Variants in ABCG5 observed in about 807,000 individuals in gnomAD.
ABCG5 encodes the protein ATP-binding cassette sub-family G member 5.
Under a neutral mutation model 64.5 loss-of-function variants are expected in ABCG5, and 64 were observed. The observed-to-expected ratio is 0.99, with a 90% confidence interval of 0.81 to 1.22. The LOEUF (loss-of-function observed/expected upper bound fraction) is 1.22. Ranked by LOEUF, ABCG5 falls within the 50% of genes most tolerant of loss-of-function variation. ABCG5 has a pLI of 0.00. For synonymous variants in ABCG5, 385 were observed against 326.3 expected, an observed-to-expected ratio of 1.18 and a Z score of -1.94; for missense variants, 908 against 829.5, an observed-to-expected ratio of 1.09 and a Z score of -1.16.
chr2:43,818,920 G>A (rs917144679), intron 11 of ABCG5, among the ~76,000 whole-genome samples: 6 of 152,044 alleles, frequency 3.9e-5, no homozygotes, highest in African/African-American at 1.5e-4. Context: ...AAAGAGACTG[G>A]CAAGTGGTAG....
chr2:43,824,747 G>A, intron 7 of ABCG5, 142 bp downstream of exon 7: 1 of 1,450,058 alleles, frequency 6.9e-7, no homozygotes, highest in Admixed American at 2.2e-5. Context: ...CATTGACCCG[G>A]CCAAATTGAT....
At chr2:43,828,330 T>C in intron 4 of ABCG5, 1 of 673,500 alleles carries the variant, frequency 1.5e-6, no homozygotes, top group Non-Finnish European at 2.5e-6. Flanking sequence ...ATAAATAATA[T>C]GAATTTTTTA....
chr2:43,818,298 G>T (rs944539317), intron 11 of ABCG5, among the ~76,000 whole-genome samples: 6 of 152,058 alleles, frequency 3.9e-5, no homozygotes, highest in African/African-American at 1.2e-4. Flanking sequence ...ACAAAAATTA[G>T]CCGAGCATGG....
chr2:43,819,698 G>A lies in ABCG5; in HGVS notation c.1649+217C>T, dbSNP rs79669818. On this transcript the variant is annotated intron_variant, in intron 11 of 12. Transcript: ENST00000405322. ...GTGAATCATATCATAACATAAACTT[G>A]TTAGTTCCTGATTCCCGATAAAAAA... is the stretch of plus-strand genomic sequence containing the variant. Among the ~76,000 whole-genome samples the A allele has an allele frequency of 2.5e-3, 381 of 152,204 alleles. 9 individuals are homozygous for A. The East Asian group carries it at 0.049, about 19-fold the overall frequency.
At chr2:43,830,080 A>C (rs1667870766) in intron 4 of ABCG5, among the ~76,000 whole-genome samples, 1 of 152,216 alleles carries the variant, frequency 6.6e-6, no homozygotes, top group Non-Finnish European at 1.5e-5. Flanking sequence ...TAGATTCCCG[A>C]GCCTCCTTCT....
downstream of ABCG5, among the ~76,000 whole-genome samples, chr2:43,808,958 A>G (rs969422280): frequency 7.7e-6 from 1 of 129,754 alleles, no homozygotes. Flanking sequence ...TCACTGGGAC[A>G]AAGGATACAC....
intron 4 of ABCG5, among the ~76,000 whole-genome samples, chr2:43,829,990 T>G (rs1400597625): frequency 6.6e-6 from 1 of 152,216 alleles, no homozygotes; most frequent in Non-Finnish European, 1.5e-5. Context: ...AAGAAAGCTC[T>G]TCTCTTGCCA....
chr2:43,816,041 C>T (rs781612332), intron 11 of ABCG5, among the ~76,000 whole-genome samples: 6 of 152,024 alleles, frequency 3.9e-5, no homozygotes, highest in Non-Finnish European at 7.4e-5. Context: ...GAGGTAGGAA[C>T]TGTGAACCTT....
chr2:43,819,087 C>A (rs61701484), intron 11 of ABCG5, among the ~76,000 whole-genome samples: 8,868 of 152,140 alleles, frequency 0.058, 569 homozygotes, highest in African/African-American at 0.16. Flanking sequence ...CACACATATA[C>A]TTTTATATAG....
intron 11 of ABCG5, among the ~76,000 whole-genome samples, chr2:43,819,235 GC>G (rs1296605638): frequency 1.3e-5 from 2 of 151,828 alleles, no homozygotes; most frequent in Non-Finnish European, 2.9e-5. Context: ...ATCATTTTTA[GC>G]CTTTTAAAAT....
At chr2:43,837,135 T>G (rs74763908) in intron 2 of ABCG5, among the ~76,000 whole-genome samples, 2 of 151,750 alleles carry the variant, frequency 1.3e-5, no homozygotes, top group African/African-American at 2.4e-5. Context: ...TTTTTTTTTT[T>G]TTGAGACAGG....
rs75314394 is a variant in ABCG5, at chr2:43,823,832, G to A, written c.1324+81C>T. Reference sequence around the variant, plus strand: ...TAGCTCAGAGAAAAACCCTTATAATGGTAGACTTTTGTAAGGTTACAGCTG... The same window carrying A: ...TAGCTCAGAGAAAAACCCTTATAATAGTAGACTTTTGTAAGGTTACAGCTG... On this transcript the variant is annotated intron_variant, in intron 9 of 12. Coordinates refer to ENST00000405322, the MANE Select transcript of ABCG5 (RefSeq NM_022436.3). 2.2e-3 allele frequency: 3,371 copies of A among 1,507,098 alleles called. 49 individuals carry two copies. The African/African-American group carries it at 0.041, about 18-fold the overall frequency. The allele number at this position is 1,507,098 out of a possible 1,614,324, so 93.4% of individuals were successfully genotyped here.
intron 10 of ABCG5, among the ~76,000 whole-genome samples, chr2:43,821,055 A>G (rs1003179767): frequency 7.2e-5 from 11 of 152,190 alleles, no homozygotes; most frequent in Non-Finnish European, 1.6e-4. Context: ...CGTATCTTCA[A>G]TGACCATTAG....
chr2:43,828,778 C>T (rs1276077627), intron 4 of ABCG5, among the ~76,000 whole-genome samples: 1 of 152,022 alleles, frequency 6.6e-6, no homozygotes, highest in Non-Finnish European at 1.5e-5. Flanking sequence ...CTAGCCTAGC[C>T]AACACGGTGA....
rs1667076915 is a variant in ABCG5 at position 43,819,913 on chromosome 2, AC to A, written c.1649+1del. 1 of 1,614,132 alleles carries A rather than the reference AC, an allele frequency of 6.2e-7. No individual in the cohort carries two copies. The highest frequency in any genetic ancestry group is 8.5e-7 in the Non-Finnish European group (1 of 1,180,002). ...TAAATTTTTTGAATTATGATATCTT[AC>A]CTGAGGAATCCAGATCCAACAAGCA... On this transcript the variant is annotated splice_donor_variant, in intron 11 of 12. Coordinates refer to ENST00000405322, the MANE Select transcript of ABCG5 (RefSeq NM_022436.3). LOFTEE classifies it high-confidence loss of function.
chr2:43,823,402 G>C (rs1479919462), intron 9 of ABCG5, among the ~76,000 whole-genome samples: 2 of 151,430 alleles, frequency 1.3e-5, no homozygotes, highest in Non-Finnish European at 2.9e-5. Context: ...CTTCACAATA[G>C]CGAAGTCCTT....
chr2:43,816,754 A>G (rs1572746033), intron 11 of ABCG5, among the ~76,000 whole-genome samples: 1 of 152,210 alleles, frequency 6.6e-6, no homozygotes. Context: ...TGCATATTTT[A>G]TATCTTATAC....
downstream of ABCG5, among the ~76,000 whole-genome samples, chr2:43,808,859 G>A (rs140085499): frequency 3.6e-3 from 547 of 152,180 alleles, 3 homozygotes; most frequent in Non-Finnish European, 6.0e-3. Flanking sequence ...GTTGTTTCCA[G>A]TTGTGCTGAG....
At chr2:43,837,458 T>A (rs1416234127) in intron 2 of ABCG5, among the ~76,000 whole-genome samples, 1 of 152,148 alleles carries the variant, frequency 6.6e-6, no homozygotes, top group Non-Finnish European at 1.5e-5. Context: ...AAATATACCA[T>A]CATAAAAAAG....
Sources: allele counts gnomAD v4.1 joint callset (sites outside exome capture counted in the v4.1 genomes callset), GRCh38; gene constraint gnomAD v4.1.1; transcripts MANE v1.5; gene names NCBI Gene and HGNC (gene_info 2026-07-23, HGNC 2026-07-21).